The following C4orf51 variants were observed in gnomAD, a reference collection of about 807,000 sequenced individuals.
C4orf51 encodes the protein chromosome 4 open reading frame 51.
Under a neutral mutation model 25.2 loss-of-function variants are expected in C4orf51, and 25 were observed. The observed-to-expected ratio is 0.99, with a 90% CI of 0.72 to 1.39. The LOEUF (loss-of-function observed/expected upper bound fraction) is 1.39. Ranked by LOEUF, C4orf51 falls within the 40% of genes most tolerant of loss-of-function variation. The probability of loss-of-function intolerance (pLI) is 0.00; values close to 1 mark genes in which losing one functional copy is unlikely to be tolerated. For missense variants in C4orf51, 252 were observed against 239.6 expected (o/e 1.05, Z -0.34); for synonymous variants, 100 against 84.5 (o/e 1.18, Z -1.01).
chr4:145,736,547 C>T (rs962313852), downstream of C4orf51, among the ~76,000 whole-genome samples: 2 of 152,084 alleles, frequency 1.3e-5, no homozygotes, highest in Non-Finnish European at 2.9e-5. Flanking sequence ...GCAGGGAGGG[C>T]CTTCTCTGGC....
At chr4:145,782,278 C>T in the C4orf51 span, among the ~76,000 whole-genome samples, 39 of 152,282 alleles carry the variant, frequency 2.6e-4, no homozygotes, top group African/African-American at 8.9e-4. Context: ...TGGGGCCTGG[C>T]GGAAGAGGCA....
chr4:145,707,509 C>T (rs1318662165), intron 2 of C4orf51, among the ~76,000 whole-genome samples: 4 of 152,128 alleles, frequency 2.6e-5, no homozygotes, highest in Non-Finnish European at 5.9e-5. Context: ...CTGGGTAGGA[C>T]GGTCCAAGAT....
At chr4:145,792,126 G>C in the C4orf51 span, among the ~76,000 whole-genome samples, 1 of 152,172 alleles carries the variant, frequency 6.6e-6, no homozygotes, top group Non-Finnish European at 1.5e-5. Flanking sequence ...GTGCTAAGGA[G>C]GCCAATACCA....
chr4:145,680,157 A>G lies in C4orf51; in HGVS notation c.-47A>G. ...ACTAGAAGGAAATTAATTCTTCATT[A>G]TGCAGAGGACTTGACAAGTTGTTTT... On this transcript the variant is annotated 5_prime_UTR_variant, in exon 1 of 6. The change abolishes an upstream ATG in the 5' untranslated region. Coordinates refer to ENST00000438731, the MANE Select transcript of C4orf51 (RefSeq NM_001080531.3). 1 of 1,368,188 alleles carries G rather than the reference A, an allele frequency of 7.3e-7. No individual in the cohort carries two copies. Among genetic ancestry groups the G allele is most frequent in the Non-Finnish European group, 1.0e-6 (1 of 956,990 alleles). 84.8% of individuals were successfully genotyped at this position (1,368,188 alleles called of 1,614,324 possible). A position where few individuals can be genotyped will look rare whatever the true frequency, so the allele number is the denominator to read the frequency against.
downstream of C4orf51, among the ~76,000 whole-genome samples, chr4:145,756,163 G>A (rs1733935252): frequency 6.6e-6 from 1 of 152,198 alleles, no homozygotes; most frequent in South Asian, 2.1e-4. Flanking sequence ...GGGGACATAT[G>A]TGCTCACCAT....
chr4:145,728,179 G>T (rs1732221903), intron 3 of C4orf51, among the ~76,000 whole-genome samples: 1 of 150,760 alleles, frequency 6.6e-6, no homozygotes, highest in Admixed American at 6.7e-5. Context: ...TTCAGGGTAC[G>T]TTCCCATAAG....
At chr4:145,781,491 C>T in the C4orf51 span, among the ~76,000 whole-genome samples, 1 of 152,160 alleles carries the variant, frequency 6.6e-6, no homozygotes, top group Non-Finnish European at 1.5e-5. Context: ...TGCCAGCAAT[C>T]CCAACACTGA....
chr4:145,756,232 G>A (rs1733940692), downstream of C4orf51, among the ~76,000 whole-genome samples: 2 of 152,288 alleles, frequency 1.3e-5, no homozygotes, highest in South Asian at 4.1e-4. Flanking sequence ...TAAATGGTCA[G>A]GCATGGTTCA....
At chr4:145,690,255 C>T (rs1160354797) in intron 1 of C4orf51, among the ~76,000 whole-genome samples, 1 of 151,968 alleles carries the variant, frequency 6.6e-6, no homozygotes, top group African/African-American at 2.4e-5. Flanking sequence ...TCTGTAATCC[C>T]AGCACTTTGC....
chr4:145,779,517 T>A, the C4orf51 span: 1 of 1,612,190 alleles, frequency 6.2e-7, no homozygotes, highest in Non-Finnish European at 8.5e-7. Context: ...TGTTTCTGGG[T>A]CAAAAGAACA....
At chr4:145,757,242 CTTCA>C (rs1734015650), downstream of C4orf51, among the ~76,000 whole-genome samples, 1 of 152,174 alleles carries the variant, frequency 6.6e-6, no homozygotes, top group African/African-American at 2.4e-5. Context: ...AGTTGCCCAA[CTTCA>C]TTAAGATAAA....
At chr4:145,699,732 C>G (rs1335554752) in intron 2 of C4orf51, among the ~76,000 whole-genome samples, 3 of 152,180 alleles carry the variant, frequency 2.0e-5, no homozygotes, top group African/African-American at 7.2e-5. Flanking sequence ...AGTGGCAAGT[C>G]CCGCTTTTCT....
chr4:145,702,072 C>T (rs1043618310), intron 2 of C4orf51, among the ~76,000 whole-genome samples: 6 of 152,138 alleles, frequency 3.9e-5, no homozygotes, highest in Non-Finnish European at 7.3e-5. Context: ...CCCCACTCAA[C>T]GCCAATATCC....
In C4orf51 at chr4:145,761,203, T is replaced by A. The variant is rs770993116; in HGVS notation, n.167-9785T>A. 2.4e-4 allele frequency: 313 copies of A among 1,289,714 alleles called. No homozygotes were observed. The highest frequency in any genetic ancestry group is 3.1e-4 in the Non-Finnish European group (309 of 988,876). 79.9% of individuals were successfully genotyped at this position (1,289,714 alleles called of 1,614,324 possible). ...CTCGGGGCAGTCCCCACTCTGGTGC[T>A]TCTTGACGTGGCGGCTGAAGACGAA... On this transcript the variant is annotated intron_variant and non_coding_transcript_variant, in intron 1 of 1. Transcript: ENST00000510096. The surrounding 1 kb of genome is among the most constrained non-coding windows in gnomAD (Gnocchi z 6.8).
intron 1 of C4orf51, among the ~76,000 whole-genome samples, chr4:145,743,419 A>C (rs1733203649): frequency 6.6e-6 from 1 of 152,130 alleles, no homozygotes; most frequent in Admixed American, 6.6e-5. Context: ...AAGCGGGCTT[A>C]ACTCATCTTT....
chr4:145,760,893 G>T (rs1325924339), intron 1 of C4orf51: 1 of 1,230,414 alleles, frequency 8.1e-7, no homozygotes, highest in Non-Finnish European at 1.0e-6. Context: ...TGAGATCCAA[G>T]TGGTTCTTGG....
downstream of C4orf51, among the ~76,000 whole-genome samples, chr4:145,772,825 A>G (rs1736484788): frequency 6.6e-6 from 1 of 152,254 alleles, no homozygotes; most frequent in African/African-American, 2.4e-5. Context: ...TTCCTGCTAG[A>G]CAATGAGCCC....
At chr4:145,681,848 C>G (rs547404835) in intron 1 of C4orf51, among the ~76,000 whole-genome samples, 251 of 152,246 alleles carry the variant, frequency 1.6e-3, no homozygotes, top group African/African-American at 5.8e-3. Context: ...ACCTAGTCAC[C>G]TCTTATTAGT....
intron 2 of C4orf51, among the ~76,000 whole-genome samples, chr4:145,719,771 A>T (rs6843557): frequency 0.039 from 5,961 of 152,132 alleles, 335 homozygotes; most frequent in African/African-American, 0.13. Flanking sequence ...CATCCCCTAC[A>T]CAGTTTCCGT....
Sources: gnomAD v4.1 joint callset for allele counts (sites outside exome capture counted in the v4.1 genomes callset) on GRCh38, gnomAD v4.1.1 for gene constraint, Gnocchi (gnomAD v3.1) non-coding constraint, MANE v1.5 for transcripts, NCBI Gene and HGNC (gene_info 2026-07-23, HGNC 2026-07-21) for gene names.